CCDC102A: variants seen among roughly 807,000 people sequenced by gnomAD.
The protein encoded by CCDC102A is coiled-coil domain containing 102A.
Under a neutral mutation model 55.5 loss-of-function variants are expected in CCDC102A, and 40 were observed. That is an observed-to-expected ratio of 0.72 (90% CI 0.56 to 0.94). The LOEUF (loss-of-function observed/expected upper bound fraction) is 0.94, where lower values mean the gene tolerates loss of function less well. Ranked by LOEUF, CCDC102A falls within the 40% of genes least tolerant of loss-of-function variation. The probability of loss-of-function intolerance (pLI) is 0.00; values close to 1 mark genes in which losing one functional copy is unlikely to be tolerated. For synonymous variants in CCDC102A, 323 were observed against 339.0 expected (o/e 0.95, Z 0.52); for missense variants, 779 against 768.6 (o/e 1.01, Z -0.16).
At chr16:57,513,011 A>G (rs2146695436) in intron 8 of CCDC102A, 141 bp from the exon 9 acceptor site, 1 of 644,860 alleles carries the variant, frequency 1.6e-6, no homozygotes, top group Non-Finnish European at 2.6e-6. Flanking sequence ...CTTATATGAT[A>G]GAAGTGCCAT....
chr16:57,516,293 C>T lies in CCDC102A; in HGVS notation c.1419G>A (p.Glu473=), dbSNP rs779555654. ...GCCCCTGCCCCTCTGTGGTCCTCAC[C>T]TCGTCCTCAGCCTGGGCCAGCTCCT... ...LKKELAQAED[E]LDEAHNQARK... is the part of the protein sequence containing the mutation. Residue 473 remains glutamate (E), a splice_region_variant and synonymous_variant, in exon 7 of 9, where the codon GAG becomes GAA. Transcript: ENST00000258214. The surrounding 1 kb of genome is among the most constrained non-coding windows in gnomAD (Gnocchi z 4.4). The T allele has an allele frequency of 6.2e-7, 1 of 1,603,912 alleles. No individual in the cohort carries two copies. The highest frequency in any genetic ancestry group is 8.5e-7 in the Non-Finnish European group (1 of 1,179,922).
At position 57,518,199 on chromosome 16, in the gene CCDC102A, G is replaced by T; in HGVS notation, c.1117C>A (p.Arg373=). Residue 373 remains arginine, a synonymous_variant, in exon 6 of 9, where the codon CGG becomes AGG. Coordinates refer to ENST00000258214, the MANE Select transcript of CCDC102A (RefSeq NM_033212.4). The part of the protein sequence containing the change: ...RLETEKLGLE[R]ENKKLRAQVG... ...TGTGCCCGCAGCTTCTTGTTCTCCCGCTCAAGGCCCAGTTTCTCTGTCTCC... is the reference window on the plus strand; with the variant it reads ...TGTGCCCGCAGCTTCTTGTTCTCCCTCTCAAGGCCCAGTTTCTCTGTCTCC... The T allele has an allele frequency of 1.9e-6, 3 of 1,612,508 alleles. No individual in the cohort carries two copies. The highest frequency in any genetic ancestry group is 8.5e-7 in the Non-Finnish European group (1 of 1,179,898).
At chr16:57,513,524 G>A (rs755303913) in intron 8 of CCDC102A, among the ~76,000 whole-genome samples, 1 of 152,186 alleles carries the variant, frequency 6.6e-6, no homozygotes, top group South Asian at 2.1e-4. Flanking sequence ...AGCTGTCCCC[G>A]GAACATTAAA....
chr16:57,518,599 C>T (rs752594322), intron 5 of CCDC102A, 26 bp downstream of exon 5: 2 of 1,572,482 alleles, frequency 1.3e-6, no homozygotes, highest in Non-Finnish European at 1.7e-6. Flanking sequence ...AACCCAGGTC[C>T]TCCTGGGTCC....
chr16:57,528,865 G>T lies in CCDC102A; in HGVS notation c.313C>A (p.Arg105Ser), dbSNP rs1299020015. The change falls in exon 2 of 9, where the codon CGC becomes AGC. Residue 105 changes from arginine to serine, a missense_variant. By Grantham distance (110) the Arg-to-Ser change is moderately radical (BLOSUM62 -1). Coordinates refer to ENST00000258214, the MANE Select transcript of CCDC102A (RefSeq NM_033212.4). ...RRWSDCTANWREKWSKVRAER... is the reference protein window; with the variant it reads ...RRWSDCTANWSEKWSKVRAER... ...GCGCGCACCTTGCTCCATTTCTCGC[G>T]CCAATTGGCAGTGCAGTCCGACCAC... The T allele has an allele frequency of 7.4e-7, 1 of 1,356,596 alleles. No homozygotes were observed. Among genetic ancestry groups the T allele is most frequent in the Non-Finnish European group, 9.6e-7 (1 of 1,046,150 alleles). 84.0% of individuals were successfully genotyped at this position (1,356,596 alleles called of 1,614,324 possible). A position where few individuals can be genotyped will look rare whatever the true frequency, so the allele number is the denominator to read the frequency against.
At position 57,529,130 on chromosome 16, in the gene CCDC102A, G is replaced by A; in HGVS notation, c.48C>T (p.Ser16=). 8.4e-7 allele frequency: 1 copy of A among 1,185,462 alleles called. No homozygotes were observed. The highest frequency in any genetic ancestry group is 1.6e-5 in the African/African-American group (1 of 62,060). 73.4% of individuals were successfully genotyped at this position (1,185,462 alleles called of 1,614,324 possible). The change falls in exon 2 of 9, where the codon TCC becomes TCT. Residue 16 remains serine (S), a synonymous_variant. Transcript: ENST00000258214. This position sits in a 1 kb window ranked among gnomAD's most constrained non-coding sequence, Gnocchi z 4.1. ...CCAGGATGGTCAGGAGGCTGCCCTT[G>A]GACAGCTGCGGGGACTCGGCCAGCC... The part of the protein sequence containing the change: ...SPRLAESPQL[S]KGSLLTILGS...
chr16:57,532,116 TGTGA>T (rs1379566663), intron 1 of CCDC102A, among the ~76,000 whole-genome samples: 2 of 152,152 alleles, frequency 1.3e-5, no homozygotes, highest in Non-Finnish European at 2.9e-5. Flanking sequence ...AGGGGGGATG[TGTGA>T]GAGAGACCAG....
chr16:57,521,464 C>T (rs1389351533), intron 3 of CCDC102A, among the ~76,000 whole-genome samples: 2 of 152,206 alleles, frequency 1.3e-5, no homozygotes, highest in East Asian at 1.9e-4. Flanking sequence ...TCCTGCTGCA[C>T]CTCAGGCTCA....
At position 57,525,975 on chromosome 16, in the gene CCDC102A, C is replaced by T. The variant is rs142906295; in HGVS notation, c.738G>A (p.Glu246=). Residue 246 remains glutamate (E), a synonymous_variant, in exon 3 of 9, where the codon GAG becomes GAA. Coordinates refer to ENST00000258214, the MANE Select transcript of CCDC102A (RefSeq NM_033212.4). ...RLPWEDTAAT[E]EEASKLTALR... ...GGGCGGTCAACTTGGAGGCCTCCTC[C>T]TCCGTGGCAGCTGTGTCCTCCCAGG... 4 of 1,612,040 alleles carry T rather than the reference C, an allele frequency of 2.5e-6. No homozygotes were observed. The African/African-American group carries it at 5.3e-5, about 22-fold the overall frequency.
chr16:57,526,173 G>T (rs1439201512), intron 2 of CCDC102A, 46 bp from the exon 3 acceptor site: 1 of 1,419,266 alleles, frequency 7.0e-7, no homozygotes, highest in Non-Finnish European at 9.5e-7. Context: ...GCCAAGCCAG[G>T]CCCTGGGTCT....
intron 2 of CCDC102A, among the ~76,000 whole-genome samples, chr16:57,526,731 C>G (rs2032146436): frequency 6.6e-6 from 1 of 152,226 alleles, no homozygotes; most frequent in Admixed American, 6.5e-5. Flanking sequence ...TCCAGCTTCT[C>G]CCACAGCCTT....
chr16:57,533,782 ACACT>A (rs1251563772), intron 1 of CCDC102A, among the ~76,000 whole-genome samples: 16 of 152,322 alleles, frequency 1.1e-4, no homozygotes, highest in Admixed American at 5.2e-4. Context: ...GGTAACGCAC[ACACT>A]CACTGAGGGG....
At chr16:57,523,399 C>G (rs532167173) in intron 3 of CCDC102A, among the ~76,000 whole-genome samples, 1 of 152,232 alleles carries the variant, frequency 6.6e-6, no homozygotes, top group African/African-American at 2.4e-5. Flanking sequence ...TTTGGTATTC[C>G]TTGGCCAAAG....
At chr16:57,513,295 G>T (rs1476849157) in intron 8 of CCDC102A, among the ~76,000 whole-genome samples, 3 of 152,168 alleles carry the variant, frequency 2.0e-5, no homozygotes, top group Admixed American at 2.0e-4. Context: ...CAGTGAGAAA[G>T]GGCTCAGCCC....
rs2032203399 is a variant in CCDC102A at position 57,529,102 on chromosome 16, T to A, written c.76A>T (p.Ser26Cys). The A allele has an allele frequency of 8.5e-7, 1 of 1,179,598 alleles. No individual in the cohort carries two copies. Among genetic ancestry groups the A allele is most frequent in the South Asian group, 4.2e-5 (1 of 23,956 alleles). 73.1% of individuals were successfully genotyped at this position (1,179,598 alleles called of 1,614,324 possible). A position where few individuals can be genotyped will look rare whatever the true frequency, so the allele number is the denominator to read the frequency against. ...GGCCCCATGCGCTCCGGCGACGGGC[T>A]GCCCAGGATGGTCAGGAGGCTGCCC... is the stretch of plus-strand genomic sequence containing the variant. ...SKGSLLTILG[S>C]PSPERMGPAD... The change falls in exon 2 of 9, where the codon AGC becomes TGC. Residue 26 changes from serine (S) to cysteine (C), a missense_variant. Transcript: ENST00000258214. This position sits in a 1 kb window ranked among gnomAD's most constrained non-coding sequence, Gnocchi z 4.1.
At chr16:57,520,146 C>G (rs2032020298) in intron 4 of CCDC102A, among the ~76,000 whole-genome samples, 1 of 152,200 alleles carries the variant, frequency 6.6e-6, no homozygotes, top group South Asian at 2.1e-4. Flanking sequence ...CCACATCCAG[C>G]CTCCTCGTCT....
chr16:57,519,999 C>T (rs2146702443), intron 4 of CCDC102A, among the ~76,000 whole-genome samples: 1 of 152,314 alleles, frequency 6.6e-6, no homozygotes, highest in South Asian at 2.1e-4. Context: ...CTGCTCTGAG[C>T]CCCCACACTG....
At chr16:57,524,582 AAT>A (rs201694539) in intron 3 of CCDC102A, among the ~76,000 whole-genome samples, 221 of 100,076 alleles carry the variant, frequency 2.2e-3, no homozygotes, top group Non-Finnish European at 3.9e-3. Flanking sequence ...GTCTAAAAAA[AAT>A]ATATATATAT....
intron 8 of CCDC102A, among the ~76,000 whole-genome samples, chr16:57,514,551 G>C (rs2031920138): frequency 1.3e-5 from 2 of 152,126 alleles, no homozygotes; most frequent in Admixed American, 6.5e-5. Flanking sequence ...CAATCAAGAG[G>C]TAAGAACTAT....
Sources: allele counts gnomAD v4.1 joint callset (sites outside exome capture counted in the v4.1 genomes callset), GRCh38; gene constraint gnomAD v4.1.1; non-coding constraint Gnocchi (gnomAD v3.1); transcripts MANE v1.5; gene names NCBI Gene and HGNC (gene_info 2026-07-23, HGNC 2026-07-21).